PHF2: variants seen among roughly 807,000 people sequenced by gnomAD.
PHF2 encodes lysine-specific demethylase PHF2.
A neutral mutation model predicts 120.5 loss-of-function variants in PHF2; 27 were observed. The observed-to-expected ratio is 0.22, with a 90% CI of 0.17 to 0.31. The LOEUF (loss-of-function observed/expected upper bound fraction) is 0.31, where lower values mean the gene tolerates loss of function less well. PHF2 is among the 10% of genes least tolerant of loss of function. The pLI is 1.00. For missense variants in PHF2, 1,024 were observed against 1,434.8 expected (o/e 0.71, Z 4.63); for synonymous variants, 568 against 592.5 (o/e 0.96, Z 0.60).
At chr9:93,636,627 C>T (rs1438182578) in intron 3 of PHF2, 102 bp downstream of exon 3, 6 of 890,500 alleles carry the variant, frequency 6.7e-6, no homozygotes, top group South Asian at 1.6e-5. Context: ...CCTTTGCTAT[C>T]CTTGCTGGAA....
intron 1 of PHF2, among the ~76,000 whole-genome samples, chr9:93,584,087 C>T (rs1031058234): frequency 6.6e-6 from 1 of 152,154 alleles, no homozygotes; most frequent in African/African-American, 2.4e-5. Flanking sequence ...CTTGGCCTCC[C>T]AAAGTGCTGG....
chr9:93,650,665 C>T (rs1826353276), intron 5 of PHF2, among the ~76,000 whole-genome samples: 1 of 152,200 alleles, frequency 6.6e-6, no homozygotes, highest in South Asian at 2.1e-4. Context: ...CTTTGTGGCT[C>T]TGACCTTGTT....
intron 1 of PHF2, among the ~76,000 whole-genome samples, chr9:93,619,687 A>G (rs1353389493): frequency 6.6e-6 from 1 of 152,120 alleles, no homozygotes; most frequent in African/African-American, 2.4e-5. Context: ...CCCGTGCTCT[A>G]TGCCTGCTAC....
rs887719938 is a variant in PHF2, at chr9:93,677,393, G to A, written c.3203-195G>A. Among the ~76,000 whole-genome samples, 3 of 151,876 alleles carry A rather than the reference G, an allele frequency of 2.0e-5. No homozygotes were observed. The highest frequency in any genetic ancestry group is 4.4e-5 in the Non-Finnish European group (3 of 68,008). On this transcript the variant is annotated intron_variant, in intron 21 of 21. Coordinates refer to ENST00000359246, the MANE Select transcript of PHF2 (RefSeq NM_005392.4). This position sits in a 1 kb window ranked among gnomAD's most constrained non-coding sequence, Gnocchi z 4.4. ...GCCCCTTGAGGACACGGCCTCTGAG[G>A]CGGAGGCTTTGCCAGTGATCCCAGA...
intron 1 of PHF2, among the ~76,000 whole-genome samples, chr9:93,592,121 G>T (rs1286761058): frequency 1.3e-5 from 2 of 152,222 alleles, no homozygotes; most frequent in African/African-American, 4.8e-5. Flanking sequence ...CTGCCACCTT[G>T]TGATGGGTGG....
intron 1 of PHF2, among the ~76,000 whole-genome samples, chr9:93,579,834 A>C (rs1358488819): frequency 3.9e-5 from 6 of 152,306 alleles, no homozygotes; most frequent in African/African-American, 1.4e-4. Flanking sequence ...GCGGCAGCCG[A>C]GAACTTGTTT....
intron 1 of PHF2, among the ~76,000 whole-genome samples, chr9:93,588,759 T>G (rs938646931): frequency 1.3e-5 from 2 of 152,050 alleles, no homozygotes; most frequent in Admixed American, 6.6e-5. Flanking sequence ...AGCGTGTTGG[T>G]GGGTGCCTGT....
At chr9:93,607,803 T>C (rs1397238646) in intron 1 of PHF2, among the ~76,000 whole-genome samples, 1 of 152,186 alleles carries the variant, frequency 6.6e-6, no homozygotes, top group Non-Finnish European at 1.5e-5. Flanking sequence ...TTCTGATAAA[T>C]AAGAAAGCAA....
intron 12 of PHF2, 131 bp from the exon 13 acceptor site, chr9:93,662,776 G>C (rs75746788): frequency 2.0e-6 from 2 of 994,354 alleles, no homozygotes; most frequent in Admixed American, 4.2e-5. Flanking sequence ...GAATGGATGC[G>C]TGGATGGGTA....
chr9:93,656,417 G>T lies in PHF2; in HGVS notation c.1041-72G>T. 1 of 1,096,640 alleles carries T rather than the reference G, an allele frequency of 9.1e-7. No individual in the cohort carries two copies. The highest frequency in any genetic ancestry group is 1.7e-5 in the Admixed American group (1 of 58,482). 67.9% of individuals were successfully genotyped at this position (1,096,640 alleles called of 1,614,324 possible). On this transcript the variant is annotated intron_variant, in intron 8 of 21. Coordinates refer to ENST00000359246, the MANE Select transcript of PHF2 (RefSeq NM_005392.4). The surrounding 1 kb of genome is among the most constrained non-coding windows in gnomAD (Gnocchi z 4.1). The stretch of plus-strand genomic sequence containing the variant: ...GGGAGGCCTGAGCTGGTGTGTCTGG[G>T]GCCTGGATTGATGCCCAGCGTCGCC...
chr9:93,626,341 C>T (rs1825914831), intron 1 of PHF2, among the ~76,000 whole-genome samples: 1 of 152,198 alleles, frequency 6.6e-6, no homozygotes, highest in Non-Finnish European at 1.5e-5. Context: ...GAATGTTGAG[C>T]TTCTTTTCAT....
chr9:93,604,185 A>G (rs1825495423), intron 1 of PHF2, among the ~76,000 whole-genome samples: 1 of 152,124 alleles, frequency 6.6e-6, no homozygotes, highest in African/African-American at 2.4e-5. Flanking sequence ...AGAGGCCTGC[A>G]GGGCTGAGGT....
chr9:93,679,161 C>A lies in PHF2; in HGVS notation c.*1485C>A. The A allele has an allele frequency of 2.3e-6, 1 of 429,728 alleles. No homozygotes were observed. Among genetic ancestry groups the A allele is most frequent in the South Asian group, 1.7e-5 (1 of 59,242 alleles). 26.6% of individuals were successfully genotyped at this position (429,728 alleles called of 1,614,324 possible). A position where few individuals can be genotyped will look rare whatever the true frequency, so the allele number is the denominator to read the frequency against. The stretch of plus-strand genomic sequence containing the variant: ...TTTATATTTGTACATTTCTTATGAG[C>A]TTTGTTTATATACCCATTACCTGGA... On this transcript the variant is annotated 3_prime_UTR_variant, in exon 22 of 22. Coordinates refer to ENST00000359246, the MANE Select transcript of PHF2 (RefSeq NM_005392.4).
intron 3 of PHF2, among the ~76,000 whole-genome samples, chr9:93,644,113 G>A (rs979502677): frequency 2.6e-5 from 4 of 152,144 alleles, no homozygotes; most frequent in African/African-American, 4.8e-5. Context: ...TCGGCTGGGC[G>A]CGGTGGCTCA....
At chr9:93,580,150 G>T (rs1294132925) in intron 1 of PHF2, among the ~76,000 whole-genome samples, 1 of 152,196 alleles carries the variant, frequency 6.6e-6, no homozygotes, top group East Asian at 1.9e-4. Context: ...TCCTCCTCCG[G>T]CCCCATCTTG....
At chr9:93,584,907 TC>T (rs1863008117) in intron 1 of PHF2, among the ~76,000 whole-genome samples, 1 of 152,278 alleles carries the variant, frequency 6.6e-6, no homozygotes, top group Non-Finnish European at 1.5e-5. Flanking sequence ...TTAGTTTCTT[TC>T]AGCAGTGTTT....
rs750129605 is a variant in PHF2 at position 93,653,136 on chromosome 9, G to A, written c.603-43G>A. 48 of 1,579,894 alleles carry A rather than the reference G, an allele frequency of 3.0e-5. 1 individual carries two copies. The highest frequency in any genetic ancestry group is 1.3e-5 in the Non-Finnish European group (15 of 1,153,240). On this transcript the variant is annotated intron_variant, in intron 5 of 21. Coordinates refer to ENST00000359246, the MANE Select transcript of PHF2 (RefSeq NM_005392.4). ...TTCCCACTGCAGGGGAAATAAAAAAGGGAGTCCCAGGTTCCCTCACCACCT... is the reference window on the plus strand; with the variant it reads ...TTCCCACTGCAGGGGAAATAAAAAAAGGAGTCCCAGGTTCCCTCACCACCT...
At chr9:93,599,988 G>A (rs1211511478) in intron 1 of PHF2, among the ~76,000 whole-genome samples, 1 of 152,322 alleles carries the variant, frequency 6.6e-6, no homozygotes, top group East Asian at 1.9e-4. Context: ...GAACAGCCCC[G>A]GGGATTCCCC....
intron 12 of PHF2, among the ~76,000 whole-genome samples, chr9:93,660,782 C>A (rs1410542290): frequency 6.6e-6 from 1 of 152,194 alleles, no homozygotes; most frequent in Admixed American, 6.5e-5. Flanking sequence ...CCCAGACCCC[C>A]CAGAGTGGAC....
Sources: gnomAD v4.1 joint callset for allele counts (sites outside exome capture counted in the v4.1 genomes callset) on GRCh38, gnomAD v4.1.1 for gene constraint, Gnocchi (gnomAD v3.1) non-coding constraint, MANE v1.5 for transcripts, NCBI Gene and HGNC (gene_info 2026-07-23, HGNC 2026-07-21) for gene names.